Variants in DONSON observed in about 807,000 individuals in gnomAD.
DONSON encodes the protein DNA replication fork stabilization factor DONSON.
DONSON carries 43 observed loss-of-function variants against 62.1 expected under a neutral mutation model. That is an observed-to-expected ratio of 0.69 (90% CI 0.54 to 0.89). DONSON has a LOEUF of 0.89. Ranked by LOEUF, DONSON falls within the 40% of genes least tolerant of loss-of-function variation. DONSON has a pLI of 0.00. For missense variants in DONSON, 696 were observed against 697.5 expected (o/e 1.00, Z 0.03); for synonymous variants, 266 against 264.6 (o/e 1.01, Z -0.05).
chr21:33,579,257 C>G, intron 9 of DONSON, 93 bp downstream of exon 9: 3 of 935,858 alleles, frequency 3.2e-6, no homozygotes, highest in Non-Finnish European at 4.6e-6. Context: ...TTACTTGAAA[C>G]ACAATAGTGA....
At chr21:33,579,238 A>G (rs1255210075) in intron 9 of DONSON, 112 bp downstream of exon 9, 2 of 725,344 alleles carry the variant, frequency 2.8e-6, no homozygotes, top group Non-Finnish European at 4.2e-6. Flanking sequence ...TAATTAAGTA[A>G]CAGTTTAATT....
At chr21:33,580,239 GATGAATGA>G (rs3989180) in intron 8 of DONSON, among the ~76,000 whole-genome samples, 25 of 146,396 alleles carry the variant, frequency 1.7e-4, no homozygotes, top group African/African-American at 2.8e-4. Context: ...TAAATAGATA[GATGAATGA>G]ATGAATGAAT....
intron 1 of DONSON, 70 bp downstream of exon 1, chr21:33,588,250 TC>T: frequency 2.6e-6 from 3 of 1,134,388 alleles, no homozygotes; most frequent in Non-Finnish European, 3.3e-6. Context: ...GGACTTTCCA[TC>T]CCCCATTCAC....
rs751861655 is a variant in DONSON at position 33,584,724 on chromosome 21, G to T, written c.651C>A (p.Ser217Arg). 3 of 1,611,092 alleles carry T rather than the reference G, an allele frequency of 1.9e-6. No homozygotes were observed. The highest frequency in any genetic ancestry group is 1.1e-5 in the South Asian group (1 of 90,746). The change falls in exon 4 of 10, where the codon AGC becomes AGA. Residue 217 changes from serine to arginine, a missense_variant. Ser to Arg is a moderately radical substitution (Grantham distance 110, BLOSUM62 -1). Transcript: ENST00000303071. The part of the protein sequence containing the change: ...SSELRCTFQQ[S>R]LIYWLHPALS... Reference sequence around the variant, plus strand: ...AAGCAGGGTGGAGCCAATAGATAAGGCTCTGCTGGAAGGTACAACGGAGCT... The same window carrying T: ...AAGCAGGGTGGAGCCAATAGATAAGTCTCTGCTGGAAGGTACAACGGAGCT...
chr21:33,581,618 G>T, intron 7 of DONSON, 118 bp from the exon 8 acceptor site: 2 of 837,358 alleles, frequency 2.4e-6, no homozygotes, highest in Non-Finnish European at 3.7e-6. Context: ...AAATCCTCTT[G>T]CTACCTCTCT....
At chr21:33,588,259 C>T in intron 1 of DONSON, 62 bp downstream of exon 1, 1 of 1,181,856 alleles carries the variant, frequency 8.5e-7, no homozygotes, top group Non-Finnish European at 1.1e-6. Context: ...ATCCCCCATT[C>T]ACAGCTGGCT....
At chr21:33,586,252 G>C (rs972872027) in intron 2 of DONSON, 71 bp from the exon 3 acceptor site, 35 of 1,235,666 alleles carry the variant, frequency 2.8e-5, no homozygotes, top group Non-Finnish European at 3.7e-5. Flanking sequence ...GATTTTATCA[G>C]CTAACATGAT....
intron 4 of DONSON, 149 bp from the exon 5 acceptor site, chr21:33,583,815 C>T (rs2086545203): frequency 1.5e-6 from 1 of 675,706 alleles, no homozygotes; most frequent in South Asian, 2.5e-5. Context: ...TATGACTTAG[C>T]TTTAAAGGAC....
intron 8 of DONSON, 195 bp from the exon 9 acceptor site, chr21:33,579,757 T>C (rs1569074537): frequency 1.9e-6 from 1 of 523,686 alleles, no homozygotes; most frequent in Non-Finnish European, 3.4e-6. Flanking sequence ...CTTTCCATAT[T>C]AAGAGATTTT....
rs1284868626 is a variant in DONSON, at chr21:33,586,174, T to C, written c.410A>G (p.His137Arg). ...AATATCAGGCTCGGAGAATGATACA[T>C]GTGAAGTCTTTAGAAAACAAAGAAT... ...TTVTELPQTS[H>R]VSFSEPDIPS... The change falls in exon 3 of 10, where the codon CAT (histidine) becomes CGT (arginine). Residue 137 changes from histidine (H) to arginine (R), a missense_variant. By Grantham distance (29) the His-to-Arg change is conservative (BLOSUM62 0). Coordinates refer to ENST00000303071, the MANE Select transcript of DONSON (RefSeq NM_017613.4). 5 of 1,613,958 alleles carry C rather than the reference T, an allele frequency of 3.1e-6. No individual in the cohort carries two copies. The highest frequency in any genetic ancestry group is 2.2e-5 in the South Asian group (2 of 91,074).
chr21:33,584,818 G>T (rs764065479), intron 3 of DONSON, 50 bp from the exon 4 acceptor site: 9 of 1,389,588 alleles, frequency 6.5e-6, no homozygotes, highest in Admixed American at 5.2e-5. Flanking sequence ...GAGAAATAGA[G>T]AATTTTATTA....
chr21:33,582,162 T>A lies in DONSON; in HGVS notation c.1046+3A>T. 6.2e-7 allele frequency: 1 copy of A among 1,613,720 alleles called. No homozygotes were observed. The highest frequency in any genetic ancestry group is 8.5e-7 in the Non-Finnish European group (1 of 1,179,636). Reference sequence around the variant, plus strand: ...ATGATATAAAGTTATTTTAATCACATACTCCCCATATCCCAAGCTTGTTCC... The same window carrying A: ...ATGATATAAAGTTATTTTAATCACAAACTCCCCATATCCCAAGCTTGTTCC... On this transcript the variant is annotated splice_donor_region_variant and intron_variant, in intron 6 of 9. Transcript: ENST00000303071.
chr21:33,577,682 CACACACACACACACACACA>C lies in DONSON; in HGVS notation c.*606_*624del, dbSNP rs1569073209. Reference sequence around the variant, plus strand: ...ACACACACACACACACACACACACACACACACACACACACACACACCCCTATAAGCACATTAAATACTAC... The same window carrying C: ...ACACACACACACACACACACACACACCCCCTATAAGCACATTAAATACTAC... On this transcript the variant is annotated 3_prime_UTR_variant, in exon 10 of 10. Coordinates refer to ENST00000303071, the MANE Select transcript of DONSON (RefSeq NM_017613.4). The C allele has an allele frequency of 6.2e-4, 68 of 109,522 alleles. No homozygotes were observed. The highest frequency in any genetic ancestry group is 7.3e-4 in the Non-Finnish European group (41 of 56,116). The allele number at this position is 109,522 out of a possible 1,614,324, so 6.8% of individuals were successfully genotyped here.
chr21:33,581,424 T>C lies in DONSON; in HGVS notation c.1228A>G (p.Thr410Ala), dbSNP rs774773262. Residue 410 changes from threonine (T) to alanine (A), a missense_variant, in exon 8 of 10, where the codon ACA becomes GCA. Transcript: ENST00000303071. ...GAGTTAATCAAAAAATTGAGCAATG[T>C]AAAGGTGTTGATTCCTTTTACCAAC... is the stretch of plus-strand genomic sequence containing the variant. ...VVLVKGINTF[T>A]LLNFLINSKS... The C allele has an allele frequency of 1.4e-5, 23 of 1,614,012 alleles. No individual in the cohort carries two copies. In the East Asian group the frequency reaches 4.7e-4, roughly 33 times the overall value.
At position 33,588,331 on chromosome 21, in the gene DONSON, GC is replaced by G; in HGVS notation, c.310del (p.Ala104ProfsTer6). The G allele has an allele frequency of 3.9e-6, 5 of 1,292,630 alleles. No individual in the cohort carries two copies. The highest frequency in any genetic ancestry group is 4.9e-6 in the Non-Finnish European group (5 of 1,024,544). 80.1% of individuals were successfully genotyped at this position (1,292,630 alleles called of 1,614,324 possible). Reference sequence around the variant, plus strand: ...CTACAAGACACTCACCGGGACCGGGGCCTCCGGCTGCTCGCGGGCCGGCCCG... The same window carrying G: ...CTACAAGACACTCACCGGGACCGGGGCTCCGGCTGCTCGCGGGCCGGCCCG... ...PDGPAREQPE[A>X]PVPFLDSNQE... On this transcript the variant is annotated frameshift_variant, in exon 1 of 10. Coordinates refer to ENST00000303071, the MANE Select transcript of DONSON (RefSeq NM_017613.4). LOFTEE classifies it high-confidence loss of function.
chr21:33,581,839 T>C (rs1669689626), intron 7 of DONSON, 112 bp downstream of exon 7: 1 of 954,214 alleles, frequency 1.0e-6, no homozygotes, highest in East Asian at 2.6e-5. Flanking sequence ...TTAGTTTTAA[T>C]ATGACCTGAA....
rs1569074340 is a variant in DONSON, at chr21:33,579,409, G to A, written c.1504C>T (p.Pro502Ser). Reference protein sequence around the residue: ...QSGSFSAVLYPHEPTAVFNIC... With the variant: ...QSGSFSAVLYSHEPTAVFNIC... ...TTAAATACAGCAGTTGGCTCGTGTG[G>A]ATACAGTACTGCAGAGAAAGATCCA... Residue 502 changes from proline (P) to serine (S), a missense_variant, in exon 9 of 10, where the codon CCA becomes TCA. Pro to Ser is a moderately conservative substitution (Grantham distance 74, BLOSUM62 -1). Transcript: ENST00000303071. 6.2e-6 allele frequency: 10 copies of A among 1,613,626 alleles called. No homozygotes were observed. Among genetic ancestry groups the A allele is most frequent in the Non-Finnish European group, 6.8e-6 (8 of 1,179,696 alleles).
intron 4 of DONSON, among the ~76,000 whole-genome samples, chr21:33,584,044 A>G (rs1450103988): frequency 2.0e-5 from 2 of 101,376 alleles, no homozygotes; most frequent in African/African-American, 8.3e-5. Context: ...ATATATATAT[A>G]TACTTTTTTT....
chr21:33,588,235 C>G, intron 1 of DONSON, 86 bp downstream of exon 1: 1 of 1,080,526 alleles, frequency 9.3e-7, no homozygotes, highest in African/African-American at 1.6e-5. Flanking sequence ...TTGCCTCGAA[C>G]GCGAGGACTT....
Sources: gnomAD v4.1 joint callset for allele counts (sites outside exome capture counted in the v4.1 genomes callset) on GRCh38, gnomAD v4.1.1 for gene constraint, MANE v1.5 for transcripts, NCBI Gene and HGNC (gene_info 2026-07-23, HGNC 2026-07-21) for gene names.